DACH2: variants seen among roughly 807,000 people sequenced by gnomAD.
The protein encoded by DACH2 is dachshund homolog 2.
A neutral mutation model predicts 35.8 loss-of-function variants in DACH2; 17 were observed. The observed-to-expected ratio is 0.48, with a 90% confidence interval of 0.33 to 0.71. The LOEUF (loss-of-function observed/expected upper bound fraction) is 0.71. Ranked by LOEUF, DACH2 falls within the 30% of genes least tolerant of loss-of-function variation. The pLI is 0.02. For missense variants in DACH2, 469 were observed against 472.7 expected (o/e 0.99, Z 0.07); for synonymous variants, 195 against 177.3 (o/e 1.10, Z -0.79).
chrX:86,296,107 A>T (rs6617213), intron 1 of DACH2, among the ~76,000 whole-genome samples: 40 of 108,508 alleles, frequency 3.7e-4, no homozygotes, highest in Non-Finnish European at 6.5e-4. Context: ...TGGCCGGGCG[A>T]GGTGGCTCAC....
chrX:86,732,453 T>C (rs1271977898), intron 6 of DACH2, among the ~76,000 whole-genome samples: 4 of 112,448 alleles, frequency 3.6e-5, no homozygotes, highest in African/African-American at 1.3e-4. Context: ...GCTAAAGCCA[T>C]CATAATTTGT....
intron 1 of DACH2, among the ~76,000 whole-genome samples, chrX:86,329,079 T>C (rs759536901): frequency 3.6e-5 from 4 of 111,319 alleles, no homozygotes; most frequent in Non-Finnish European, 7.5e-5. Context: ...GGGAGGGGTA[T>C]TCATCCTGAA....
intron 6 of DACH2, among the ~76,000 whole-genome samples, chrX:86,733,033 T>C (rs1480207928): frequency 9.0e-6 from 1 of 111,602 alleles, no homozygotes; most frequent in Non-Finnish European, 1.9e-5. Context: ...TAATATCAAA[T>C]TTGACCTGGT....
intron 2 of DACH2, among the ~76,000 whole-genome samples, chrX:86,461,897 A>C (rs2037580147): frequency 9.0e-6 from 1 of 111,537 alleles, no homozygotes. Flanking sequence ...CTACTTTTTC[A>C]AAGCTTTGGT....
At chrX:86,371,149 T>C (rs1602449861) in intron 1 of DACH2, among the ~76,000 whole-genome samples, 1 of 110,849 alleles carries the variant, frequency 9.0e-6, no homozygotes, top group African/African-American at 3.3e-5. Context: ...TCTTGCATTC[T>C]TTGAGTTATA....
intron 11 of DACH2, among the ~76,000 whole-genome samples, chrX:86,820,548 T>A (rs1196759976): frequency 9.1e-6 from 1 of 109,848 alleles, no homozygotes; most frequent in East Asian, 2.8e-4. Flanking sequence ...ATAAAAGTCA[T>A]GATCTCATCT....
chrX:86,285,335 A>G (rs1367395084), intron 1 of DACH2, among the ~76,000 whole-genome samples: 1 of 111,395 alleles, frequency 9.0e-6, no homozygotes, highest in East Asian at 2.8e-4. Context: ...TTCTCTTAGT[A>G]CTGCTATTAC....
At chrX:86,609,790 C>A (rs1357018553) in intron 3 of DACH2, among the ~76,000 whole-genome samples, 2 of 111,377 alleles carry the variant, frequency 1.8e-5, no homozygotes, top group African/African-American at 6.5e-5. Flanking sequence ...TTGTTCTTTT[C>A]CCTTACCTTC....
rs777875788 is a variant in DACH2 at position 86,148,632 on chromosome X, C to T, written c.12C>T (p.Ser4=). ...GAGACAGAGTGACCATGGCTGTCTC[C>T]GCATCTCCAGTGATCTCTGCAACTT... MAV[S]ASPVISATSS... Residue 4 remains serine (S), a synonymous_variant, in exon 1 of 12, where the codon TCC becomes TCT. Transcript: ENST00000373125. The T allele has an allele frequency of 1.7e-6, 2 of 1,169,582 alleles. No individual in the cohort carries two copies. Among genetic ancestry groups the T allele is most frequent in the Non-Finnish European group, 2.3e-6 (2 of 874,549 alleles).
At chrX:86,679,560 C>A (rs745739107) in intron 4 of DACH2, among the ~76,000 whole-genome samples, 2 of 109,667 alleles carry the variant, frequency 1.8e-5, no homozygotes, top group Non-Finnish European at 3.8e-5. Flanking sequence ...ATACAGACTT[C>A]GCTTTCAGTG....
At chrX:86,667,305 AGAAG>A (rs746792252) in intron 4 of DACH2, among the ~76,000 whole-genome samples, 3,000 of 33,856 alleles carry the variant, frequency 0.089, 205 homozygotes, top group African/African-American at 0.19. Context: ...AAGGAAGGAA[AGAAG>A]GAAGGAAGGA....
intron 2 of DACH2, among the ~76,000 whole-genome samples, chrX:86,382,461 TACACACACACACACACACACACACAC>T (rs55825336): frequency 1.8e-4 from 17 of 94,623 alleles, no homozygotes; most frequent in Admixed American, 1.5e-3. Flanking sequence ...GCTACATTCA[TACACACACACACACACACACACACAC>T]ACACACACAC....
At chrX:86,595,249 T>C (rs957686310) in intron 3 of DACH2, among the ~76,000 whole-genome samples, 1 of 111,014 alleles carries the variant, frequency 9.0e-6, no homozygotes, top group Non-Finnish European at 1.9e-5. Context: ...TGGACTACAG[T>C]TGTGCATCAT....
chrX:86,358,477 AC>A (rs2035680726), intron 1 of DACH2, among the ~76,000 whole-genome samples: 1 of 89,421 alleles, frequency 1.1e-5, no homozygotes, highest in Non-Finnish European at 2.2e-5. Flanking sequence ...ACACACACAC[AC>A]ACAATCCCAG....
At chrX:86,572,072 A>T (rs745733239) in intron 3 of DACH2, among the ~76,000 whole-genome samples, 1 of 111,189 alleles carries the variant, frequency 9.0e-6, no homozygotes, top group African/African-American at 3.3e-5. Context: ...AAAGCGGAAC[A>T]TCACACACCA....
intron 3 of DACH2, among the ~76,000 whole-genome samples, chrX:86,610,024 C>T (rs2039909243): frequency 9.0e-6 from 1 of 111,650 alleles, no homozygotes; most frequent in South Asian, 3.7e-4. Flanking sequence ...CAAAGTCAGC[C>T]GAGTCTGTGT....
At chrX:86,246,215 G>C (rs767476465) in intron 1 of DACH2, among the ~76,000 whole-genome samples, 1 of 111,765 alleles carries the variant, frequency 8.9e-6, no homozygotes, top group African/African-American at 3.2e-5. Flanking sequence ...GAAAGTGAGG[G>C]AGAGAACACA....
chrX:86,421,263 G>A (rs1346312688), intron 2 of DACH2, among the ~76,000 whole-genome samples: 1 of 111,834 alleles, frequency 8.9e-6, no homozygotes. Context: ...CACATCAATA[G>A]TTAACAACCA....
intron 1 of DACH2, among the ~76,000 whole-genome samples, chrX:86,325,804 A>G (rs1045837759): frequency 2.7e-5 from 3 of 112,198 alleles, no homozygotes; most frequent in Admixed American, 1.9e-4. Flanking sequence ...TTTGCCTTAT[A>G]GATAGACTAT....
Sources: gnomAD v4.1 joint callset for allele counts (sites outside exome capture counted in the v4.1 genomes callset) on GRCh38, gnomAD v4.1.1 for gene constraint, MANE v1.5 for transcripts, NCBI Gene and HGNC (gene_info 2026-07-23, HGNC 2026-07-21) for gene names.